SPO11: variants seen among roughly 807,000 people sequenced by gnomAD.
SPO11 encodes meiotic recombination protein SPO11.
In SPO11, 49 loss-of-function variants were observed where a neutral mutation model predicts 51.6. That is an observed-to-expected ratio of 0.95 (90% confidence interval 0.75 to 1.20). The LOEUF (loss-of-function observed/expected upper bound fraction) is 1.20. Ranked by LOEUF, SPO11 falls within the 50% of genes most tolerant of loss-of-function variation. SPO11 has a pLI of 0.00. For missense variants in SPO11, 431 were observed against 473.4 expected (o/e 0.91, Z 0.83); for synonymous variants, 176 against 158.2 (o/e 1.11, Z -0.84).
chr20:57,331,651 T>G (rs1053159645), intron 1 of SPO11, among the ~76,000 whole-genome samples, 182 bp from the exon 2 acceptor site: 6 of 152,248 alleles, frequency 3.9e-5, no homozygotes, highest in African/African-American at 1.2e-4. Flanking sequence ...ATGGGAGAGA[T>G]AATTATTGAC....
intron 1 of SPO11, 35 bp downstream of exon 1, chr20:57,330,033 C>T: frequency 6.5e-7 from 1 of 1,544,286 alleles, no homozygotes; most frequent in Non-Finnish European, 8.7e-7. Flanking sequence ...GACGCAGCCA[C>T]TCTGTAGAAA....
intron 6 of SPO11, 26 bp downstream of exon 6, chr20:57,334,862 C>A: frequency 6.3e-7 from 1 of 1,587,024 alleles, no homozygotes; most frequent in Non-Finnish European, 8.6e-7. Context: ...GAAGTTTTCA[C>A]AGCTTTAACT....
intron 11 of SPO11, among the ~76,000 whole-genome samples, chr20:57,340,763 T>C (rs541469748): frequency 6.6e-6 from 1 of 150,608 alleles, no homozygotes; most frequent in South Asian, 2.1e-4. Context: ...CTTGACTCTG[T>C]CTCCAAAAAA....
chr20:57,335,776 T>C, intron 7 of SPO11, 22 bp from the exon 8 acceptor site: 1 of 1,411,380 alleles, frequency 7.1e-7, no homozygotes, highest in East Asian at 2.3e-5. Flanking sequence ...TTGCTTTCAA[T>C]TTATCAGCCT....
chr20:57,340,050 C>A, intron 10 of SPO11, 52 bp from the exon 11 acceptor site: 2 of 1,235,344 alleles, frequency 1.6e-6, no homozygotes, highest in Non-Finnish European at 2.4e-6. Flanking sequence ...AACAAGAATG[C>A]TAGTTTTCTA....
At chr20:57,340,579 C>T (rs192520751) in intron 11 of SPO11, among the ~76,000 whole-genome samples, 51 of 152,190 alleles carry the variant, frequency 3.4e-4, no homozygotes, top group Middle Eastern at 3.4e-3. Context: ...GCCAGGGCAA[C>T]GTGACAAAAC....
intron 3 of SPO11, 132 bp downstream of exon 3, chr20:57,333,408 T>C (rs2066472952): frequency 2.9e-6 from 2 of 682,706 alleles, no homozygotes; most frequent in South Asian, 2.2e-5. Context: ...AATAAATTTC[T>C]ATAATTTTTC....
At chr20:57,342,912 G>A (rs933861838) in intron 12 of SPO11, 72 bp downstream of exon 12, 10 of 1,050,456 alleles carry the variant, frequency 9.5e-6, no homozygotes, top group Admixed American at 6.5e-5. Context: ...TATTCACATC[G>A]TATTTTGAAA....
chr20:57,335,885 T>C lies in SPO11; in HGVS notation c.722T>C (p.Leu241Ser). The part of the protein sequence containing the change: ...RLLDDNFCNK[L>S]SPCIMITGKG... ...CTAGATGACAACTTTTGCAACAAAT[T>C]GTCTCCTTGCATCATGATTACGGTA... Residue 241 changes from leucine (L) to serine (S), a missense_variant, in exon 8 of 13, where the codon TTG becomes TCG. Leu to Ser is a moderately radical substitution (Grantham distance 145). Coordinates refer to ENST00000371263, the MANE Select transcript of SPO11 (RefSeq NM_012444.3). 6.2e-7 allele frequency: 1 copy of C among 1,609,250 alleles called. No individual in the cohort carries two copies. Among genetic ancestry groups the C allele is most frequent in the Middle Eastern group, 1.7e-4 (1 of 6,054 alleles).
intron 10 of SPO11, 63 bp from the exon 11 acceptor site, chr20:57,340,039 A>T (rs2066561908): frequency 4.3e-6 from 5 of 1,171,044 alleles, no homozygotes; most frequent in Non-Finnish European, 6.4e-6. Flanking sequence ...TTTGACTGAA[A>T]AACAAGAATG....
chr20:57,336,532 C>G (rs1037981590), intron 8 of SPO11, among the ~76,000 whole-genome samples: 2 of 152,194 alleles, frequency 1.3e-5, no homozygotes, highest in Non-Finnish European at 2.9e-5. Context: ...GATACTTCTA[C>G]TCCAAATCTG....
chr20:57,335,493 AT>A, intron 7 of SPO11, 38 bp downstream of exon 7: 2 of 1,577,142 alleles, frequency 1.3e-6, no homozygotes, highest in Non-Finnish European at 1.7e-6. Flanking sequence ...AACTTTTGGA[AT>A]GTTCATTCAT....
chr20:57,332,051 C>A, intron 2 of SPO11, 105 bp downstream of exon 2: 2 of 632,810 alleles, frequency 3.2e-6, no homozygotes, highest in Non-Finnish European at 2.5e-6. Context: ...TTGCCTTTAC[C>A]TTGCCAAAAA....
At chr20:57,343,201 G>T in intron 12 of SPO11, 140 bp from the exon 13 acceptor site, 1 of 897,410 alleles carries the variant, frequency 1.1e-6, no homozygotes, top group Non-Finnish European at 1.7e-6. Context: ...AGCTGTAGCA[G>T]CTCTGGAATA....
At chr20:57,334,315 C>T (rs1025194672) in intron 5 of SPO11, among the ~76,000 whole-genome samples, 4 of 152,014 alleles carry the variant, frequency 2.6e-5, no homozygotes, top group South Asian at 2.1e-4. Flanking sequence ...CCACCACGCC[C>T]GGCTAATTTT....
In SPO11 at chr20:57,343,331, T is replaced by C. The variant is rs1189099243; in HGVS notation, c.1072-10T>C. ...ACTCTGGTATGAGTACATTTTACTT[T>C]TATTGACAGATGGAAATAATGGCAG... is the stretch of plus-strand genomic sequence containing the variant. On this transcript the variant is annotated splice_polypyrimidine_tract_variant and intron_variant, in intron 12 of 12. Coordinates refer to ENST00000371263, the MANE Select transcript of SPO11 (RefSeq NM_012444.3). 1 of 1,605,290 alleles carries C rather than the reference T, an allele frequency of 6.2e-7. No homozygotes were observed. The highest frequency in any genetic ancestry group is 8.5e-7 in the Non-Finnish European group (1 of 1,177,544).
intron 8 of SPO11, among the ~76,000 whole-genome samples, chr20:57,336,561 G>C (rs1447254183): frequency 6.6e-6 from 1 of 152,090 alleles, no homozygotes; most frequent in African/African-American, 2.4e-5. Context: ...TGTGGAACTG[G>C]TCAGCCCTTC....
chr20:57,330,406 T>A (rs6014977), intron 1 of SPO11, among the ~76,000 whole-genome samples: 25,920 of 152,112 alleles, frequency 0.17, 2,400 homozygotes, highest in South Asian at 0.27. Context: ...TGGTTTTTTT[T>A]TAGAAAGAAA....
At chr20:57,343,041 G>GA (rs1443904034) in intron 12 of SPO11, among the ~76,000 whole-genome samples, 6 of 152,120 alleles carry the variant, frequency 3.9e-5, no homozygotes, top group Non-Finnish European at 8.8e-5. Context: ...GAGCTGGCCT[G>GA]TTTGTATCCT....
Sources: gnomAD v4.1 joint callset for allele counts (sites outside exome capture counted in the v4.1 genomes callset) on GRCh38, gnomAD v4.1.1 for gene constraint, MANE v1.5 for transcripts, NCBI Gene and HGNC (gene_info 2026-07-23, HGNC 2026-07-21) for gene names.